ACTN4: variants seen among roughly 807,000 people sequenced by gnomAD.
The protein encoded by ACTN4 is actinin alpha 4.
A neutral mutation model predicts 114.2 loss-of-function variants in ACTN4; 18 were observed. That is an observed-to-expected ratio of 0.16 (90% CI 0.11 to 0.23). The LOEUF is 0.23. Ranked by LOEUF, ACTN4 falls within the 10% of genes least tolerant of loss-of-function variation. ACTN4 has a pLI of 1.00. For synonymous variants in ACTN4, 515 were observed against 506.3 expected (o/e 1.02, Z -0.23); for missense variants, 722 against 1,262.9 (o/e 0.57, Z 6.49).
At chr19:38,721,922 G>C in intron 12 of ACTN4, 1 of 638,486 alleles carries the variant, frequency 1.6e-6, no homozygotes, top group African/African-American at 1.8e-5. Context: ...CTAGCAGGAG[G>C]GAGGTGTCTG....
chr19:38,675,394 G>A (rs576262180), intron 1 of ACTN4, among the ~76,000 whole-genome samples: 1 of 152,100 alleles, frequency 6.6e-6, no homozygotes, highest in African/African-American at 2.4e-5. Context: ...TGATTCTCCT[G>A]CCTTATTTTT....
chr19:38,729,244 T>A, intron 20 of ACTN4, 30 bp from the exon 21 acceptor site: 1 of 1,612,618 alleles, frequency 6.2e-7, no homozygotes, highest in Non-Finnish European at 8.5e-7. Context: ...TGGGTGGGGA[T>A]GGCTCAGAGT....
At chr19:38,693,467 A>G (rs1967995879) in intron 1 of ACTN4, 1 of 152,548 alleles carries the variant, frequency 6.6e-6, no homozygotes, top group Non-Finnish European at 1.5e-5. Flanking sequence ...GGTCAGCCGC[A>G]TCCCACCAAG....
At chr19:38,723,759 C>T (rs768653545) in intron 13 of ACTN4, 37 bp downstream of exon 13, 7 of 1,538,522 alleles carry the variant, frequency 4.5e-6, no homozygotes, top group South Asian at 2.3e-5. Flanking sequence ...GAGCTCTGTG[C>T]CCCTGCTGCC....
intron 11 of ACTN4, chr19:38,718,278 G>A: frequency 1.1e-6 from 1 of 925,788 alleles, no homozygotes; most frequent in Non-Finnish European, 1.7e-6. Context: ...TGTAATCCCA[G>A]CACTTTGGCA....
At chr19:38,653,807 A>T (rs1022331405) in intron 1 of ACTN4, among the ~76,000 whole-genome samples, 2 of 152,234 alleles carry the variant, frequency 1.3e-5, no homozygotes, top group African/African-American at 4.8e-5. Context: ...GAGGCAAGTG[A>T]TAGCAAGTGG....
intron 1 of ACTN4, among the ~76,000 whole-genome samples, chr19:38,676,562 A>G (rs891680036): frequency 5.9e-5 from 9 of 152,178 alleles, no homozygotes; most frequent in Non-Finnish European, 1.0e-4. Flanking sequence ...CCTGCAGAAC[A>G]CCACATGTGT....
At chr19:38,728,846 G>C (rs1969361995) in intron 19 of ACTN4, 150 bp from the exon 20 acceptor site, 1 of 1,005,392 alleles carries the variant, frequency 9.9e-7, no homozygotes, top group Non-Finnish European at 1.5e-6. Context: ...CGGGGCCAAG[G>C]CTGCTGGAGC....
rs977319873 is a variant in ACTN4, at chr19:38,725,978, G to A, written c.2190+75G>A. ...CTCACTGGAAATGGTTCGGGCCAGT[G>A]AGAAGATAGCTGTCTGCTGTCTGTT... On this transcript the variant is annotated intron_variant, in intron 17 of 20. Transcript: ENST00000252699. The A allele has an allele frequency of 5.7e-6, 9 of 1,565,700 alleles. No homozygotes were observed. The Middle Eastern group carries it at 6.6e-4, about 115-fold the overall frequency.
chr19:38,663,822 A>G (rs892874622), intron 1 of ACTN4, among the ~76,000 whole-genome samples: 1 of 152,130 alleles, frequency 6.6e-6, no homozygotes, highest in Non-Finnish European at 1.5e-5. Context: ...GCGTCCTGTC[A>G]CTGTCACAGA....
intron 1 of ACTN4, among the ~76,000 whole-genome samples, chr19:38,679,973 T>C (rs1288518821): frequency 6.6e-6 from 1 of 152,112 alleles, no homozygotes. Context: ...TGCTTACACA[T>C]GGGCATTTCA....
At position 38,647,723 on chromosome 19, in the gene ACTN4, G is replaced by C. The variant is rs1322131634; in HGVS notation, c.-23G>C. 1 of 1,537,306 alleles carries C rather than the reference G, an allele frequency of 6.5e-7. No individual in the cohort carries two copies. Among genetic ancestry groups the C allele is most frequent in the Non-Finnish European group, 8.8e-7 (1 of 1,142,714 alleles). The stretch of plus-strand genomic sequence containing the variant: ...AGCTGAGGCGGGAGCGGACAGGCTG[G>C]TGGGCGAGCGAGAGGCGGCGGAATG... On this transcript the variant is annotated 5_prime_UTR_variant, in exon 1 of 21. Transcript: ENST00000252699.
intron 13 of ACTN4, 43 bp from the exon 14 acceptor site, chr19:38,723,894 C>T: frequency 6.2e-7 from 1 of 1,610,196 alleles, no homozygotes; most frequent in Non-Finnish European, 8.5e-7. Context: ...ACATACTGAC[C>T]TGCCTTCCCT....
At chr19:38,658,099 TACAGGC>T (rs1976765100) in intron 1 of ACTN4, among the ~76,000 whole-genome samples, 1 of 152,196 alleles carries the variant, frequency 6.6e-6, no homozygotes, top group Non-Finnish European at 1.5e-5. Flanking sequence ...GGAAAATACC[TACAGGC>T]ACAGCAGCCT....
At chr19:38,649,835 G>A (rs949458772) in intron 1 of ACTN4, among the ~76,000 whole-genome samples, 3 of 152,108 alleles carry the variant, frequency 2.0e-5, no homozygotes, top group Admixed American at 1.3e-4. Context: ...AGGTGGGGCC[G>A]GGCATAACCT....
chr19:38,669,346 T>TGAGGCAAGAAG (rs1205783260), intron 1 of ACTN4, among the ~76,000 whole-genome samples: 2 of 152,182 alleles, frequency 1.3e-5, no homozygotes, highest in Non-Finnish European at 2.9e-5. Context: ...AATGACAGAT[T>TGAGGCAAGAAG]GAGGCAAGAA....
intron 8 of ACTN4, among the ~76,000 whole-genome samples, chr19:38,713,217 C>T (rs938733237): frequency 1.3e-5 from 2 of 152,244 alleles, no homozygotes; most frequent in Non-Finnish European, 2.9e-5. Context: ...GTTCCCGCCT[C>T]GTTCCTTTAT....
chr19:38,678,075 A>G (rs937320344), intron 1 of ACTN4, among the ~76,000 whole-genome samples: 14 of 152,198 alleles, frequency 9.2e-5, no homozygotes, highest in Non-Finnish European at 1.6e-4. Context: ...TCACTGTCCC[A>G]TGGAGAGGTG....
chr19:38,660,754 G>A (rs1261964373), intron 1 of ACTN4, among the ~76,000 whole-genome samples: 1 of 152,144 alleles, frequency 6.6e-6, no homozygotes, highest in Non-Finnish European at 1.5e-5. Flanking sequence ...ATGCAGAAAT[G>A]GATCCATGGG....
Sources: gnomAD v4.1 joint callset for allele counts (sites outside exome capture counted in the v4.1 genomes callset) on GRCh38, gnomAD v4.1.1 for gene constraint, MANE v1.5 for transcripts, NCBI Gene and HGNC (gene_info 2026-07-23, HGNC 2026-07-21) for gene names.